The following SYNE1 variants were observed in gnomAD, a reference collection of about 807,000 sequenced individuals.
SYNE1 encodes spectrin repeat containing nuclear envelope protein 1, also known as nesprin-1.
SYNE1 carries 616 observed loss-of-function variants against 1,111.0 expected under a neutral mutation model. The observed-to-expected ratio is 0.55, with a 90% CI of 0.52 to 0.59. The LOEUF (loss-of-function observed/expected upper bound fraction) is 0.59. Ranked by LOEUF, SYNE1 falls within the 20% of genes least tolerant of loss-of-function variation. The probability of loss-of-function intolerance (pLI) is 0.00; values close to 1 mark genes in which losing one functional copy is unlikely to be tolerated. For missense variants in SYNE1, 10,006 were observed against 10,417.0 expected, an observed-to-expected ratio of 0.96 and a Z score of 1.72; for synonymous variants, 3,855 against 3,825.8, an observed-to-expected ratio of 1.01 and a Z score of -0.28.
At chr6:152,359,603 G>T in intron 64 of SYNE1, 145 bp from the exon 65 acceptor site, 1 of 1,010,424 alleles carries the variant, frequency 9.9e-7, no homozygotes, top group Non-Finnish European at 1.5e-6. Context: ...TTATCTATTT[G>T]ACACAGATAT....
intron 135 of SYNE1, 73 bp from the exon 136 acceptor site, chr6:152,149,741 G>A: frequency 1.5e-6 from 2 of 1,323,934 alleles, no homozygotes; most frequent in Admixed American, 3.5e-5. Context: ...CATAATAGAT[G>A]TATTTCTCAT....
chr6:152,231,999 G>A, intron 113 of SYNE1, 117 bp downstream of exon 113: 1 of 745,992 alleles, frequency 1.3e-6, no homozygotes, highest in East Asian at 2.7e-5. Context: ...TTCCTATCTG[G>A]TCACTGTGTA....
intron 3 of SYNE1, among the ~76,000 whole-genome samples, chr6:152,558,972 TAA>T (rs2099384823): frequency 2.0e-5 from 3 of 148,290 alleles, no homozygotes; most frequent in Non-Finnish European, 4.5e-5. Flanking sequence ...TTAACATATT[TAA>T]TTTTTATTTA....
chr6:152,592,391 C>T (rs2099569566), intron 3 of SYNE1, among the ~76,000 whole-genome samples: 1 of 152,050 alleles, frequency 6.6e-6, no homozygotes, highest in Non-Finnish European at 1.5e-5. Context: ...GCCATAAAAA[C>T]AATGAAATCA....
At chr6:152,213,840 A>G in intron 122 of SYNE1, 81 bp from the exon 123 acceptor site, 1 of 1,575,266 alleles carries the variant, frequency 6.3e-7, no homozygotes, top group East Asian at 2.3e-5. Flanking sequence ...AGATTAAATA[A>G]TCTCTGTGCT....
chr6:152,596,757 TA>T (rs2099583094), intron 3 of SYNE1, among the ~76,000 whole-genome samples: 1 of 152,206 alleles, frequency 6.6e-6, no homozygotes, highest in South Asian at 2.1e-4. Context: ...ACAACATGTT[TA>T]AAAATTAATT....
intron 77 of SYNE1, among the ~76,000 whole-genome samples, chr6:152,333,659 G>T (rs4486029): frequency 0.58 from 88,546 of 151,858 alleles, 26,034 homozygotes; most frequent in Non-Finnish European, 0.61. Flanking sequence ...TTGAGACAGG[G>T]TCTTGCTCTG....
chr6:152,314,927 G>T (rs368235589), intron 87 of SYNE1, among the ~76,000 whole-genome samples: 1 of 38,190 alleles, frequency 2.6e-5, no homozygotes, highest in South Asian at 1.3e-3. Context: ...ATGATGACGA[G>T]GTTGCAGTGA....
intron 41 of SYNE1, among the ~76,000 whole-genome samples, chr6:152,414,817 T>C (rs1445933814): frequency 6.8e-6 from 1 of 146,704 alleles, no homozygotes; most frequent in Non-Finnish European, 1.5e-5. Flanking sequence ...ACTGCTGGCA[T>C]CCAGGGTGAG....
intron 73 of SYNE1, among the ~76,000 whole-genome samples, chr6:152,346,164 C>T (rs940851398): frequency 2.6e-5 from 4 of 151,942 alleles, no homozygotes; most frequent in African/African-American, 7.3e-5. Context: ...AACAAATTAA[C>T]TTTATTTATT....
At chr6:152,578,216 G>C (rs1187848336) in intron 3 of SYNE1, among the ~76,000 whole-genome samples, 1 of 152,000 alleles carries the variant, frequency 6.6e-6, no homozygotes, top group Non-Finnish European at 1.5e-5. Flanking sequence ...AAGTTACATG[G>C]AAATACACAG....
intron 125 of SYNE1, 142 bp downstream of exon 125, chr6:152,207,830 T>C (rs1364493787): frequency 1.2e-6 from 1 of 827,980 alleles, no homozygotes; most frequent in East Asian, 2.6e-5. Context: ...GCAATCATTT[T>C]GTATATTTCT....
At chr6:152,303,692 A>G (rs1315433613) in intron 91 of SYNE1, among the ~76,000 whole-genome samples, 2 of 152,228 alleles carry the variant, frequency 1.3e-5, no homozygotes, top group Admixed American at 1.3e-4. Flanking sequence ...TAGATTACTA[A>G]TAATACCTAA....
chr6:152,325,130 T>G lies in SYNE1; in HGVS notation c.15611A>C (p.Lys5204Thr). ...CTCATCCACTGCATCTTCCAGGATCTTCTCCTGGTCCTGGGCCACAGCTCG... is the reference window on the plus strand; with the variant it reads ...CTCATCCACTGCATCTTCCAGGATCGTCTCCTGGTCCTGGGCCACAGCTCG... ...RLRAVAQDQEKILEDAVDEWT... is the reference protein window; with the variant it reads ...RLRAVAQDQETILEDAVDEWT... Residue 5204 changes from lysine (K) to threonine (T), a missense_variant, in exon 81 of 146, where the codon AAG (lysine) becomes ACG (threonine). Physicochemically the swap from Lys to Thr is moderately conservative, Grantham distance 78. Coordinates refer to ENST00000367255, the MANE Select transcript of SYNE1 (RefSeq NM_182961.4). The G allele has an allele frequency of 6.2e-7, 1 of 1,614,242 alleles. No homozygotes were observed. Among genetic ancestry groups the G allele is most frequent in the Non-Finnish European group, 8.5e-7 (1 of 1,180,048 alleles).
At chr6:152,226,834 G>A (rs2081689989) in intron 115 of SYNE1, among the ~76,000 whole-genome samples, 1 of 152,134 alleles carries the variant, frequency 6.6e-6, no homozygotes, top group Non-Finnish European at 1.5e-5. Context: ...CTCAGACTGT[G>A]GAGGGAATAT....
At chr6:152,531,004 G>A (rs9479336) in intron 4 of SYNE1, among the ~76,000 whole-genome samples, 5,878 of 151,912 alleles carry the variant, frequency 0.039, 397 homozygotes, top group African/African-American at 0.14. Context: ...TACTCAACCT[G>A]ACCCACCTGC....
At position 152,266,758 on chromosome 6, in the gene SYNE1, G is replaced by C. The variant is rs552830152; in HGVS notation, c.18815+1298C>G. Among the ~76,000 whole-genome samples, 13 of 151,906 alleles carry C rather than the reference G, an allele frequency of 8.6e-5. No individual in the cohort carries two copies. The South Asian group carries it at 2.3e-3, about 27-fold the overall frequency. ...CTACATTTTTTGTCACAATATATCTGCTGCAATTGCATTTTAGTTTGTTTA... is the reference window on the plus strand; with the variant it reads ...CTACATTTTTTGTCACAATATATCTCCTGCAATTGCATTTTAGTTTGTTTA... On this transcript the variant is annotated intron_variant, in intron 100 of 145. Coordinates refer to ENST00000367255, the MANE Select transcript of SYNE1 (RefSeq NM_182961.4).
At chr6:152,233,992 G>C in intron 111 of SYNE1, 29 bp from the exon 112 acceptor site, 1 of 1,609,798 alleles carries the variant, frequency 6.2e-7, no homozygotes, top group Non-Finnish European at 8.5e-7. Flanking sequence ...TTCAAATTAG[G>C]GTTAAATAGC....
intron 14 of SYNE1, among the ~76,000 whole-genome samples, chr6:152,476,055 G>A (rs1256779518): frequency 6.6e-6 from 1 of 152,000 alleles, no homozygotes; most frequent in Admixed American, 6.6e-5. Flanking sequence ...TTCCCTCCAG[G>A]ATCAGTCCTT....
Sources: allele counts gnomAD v4.1 joint callset (sites outside exome capture counted in the v4.1 genomes callset), GRCh38; gene constraint gnomAD v4.1.1; transcripts MANE v1.5; gene names NCBI Gene and HGNC (gene_info 2026-07-23, HGNC 2026-07-21).